CEMIP: variants seen among roughly 807,000 people sequenced by gnomAD.
The protein encoded by CEMIP is cell migration-inducing and hyaluronan-binding protein.
CEMIP carries 105 observed loss-of-function variants against 156.9 expected under a neutral mutation model. The ratio of observed to expected loss-of-function variants is 0.67; its 90% CI spans 0.57 to 0.79. CEMIP has a LOEUF of 0.79. CEMIP is among the 30% of genes least tolerant of loss of function. The pLI is 0.00. For synonymous variants in CEMIP, 676 were observed against 668.4 expected (o/e 1.01, Z -0.17); for missense variants, 1,457 against 1,769.4 (o/e 0.82, Z 3.17).
At chr15:80,810,646 T>C (rs537147883) in intron 1 of CEMIP, among the ~76,000 whole-genome samples, 2 of 152,330 alleles carry the variant, frequency 1.3e-5, no homozygotes, top group East Asian at 3.9e-4. Flanking sequence ...TGAGCCACCA[T>C]GCCCGGCCTA....
intron 1 of CEMIP, among the ~76,000 whole-genome samples, chr15:80,850,975 G>C (rs1897703047): frequency 6.6e-6 from 1 of 152,226 alleles, no homozygotes. Flanking sequence ...CTGCTGACTG[G>C]TACTGAGTAA....
At chr15:80,888,150 G>C (rs147701648) in intron 8 of CEMIP, among the ~76,000 whole-genome samples, 1 of 152,056 alleles carries the variant, frequency 6.6e-6, no homozygotes, top group East Asian at 1.9e-4. Context: ...ATCACTTGAG[G>C]TCAGGAGTTC....
Position 80,936,679 on chromosome 15 carries a change from C to A in CEMIP, c.3015C>A (p.Tyr1005Ter). ...TCCTTTTTGGGTTTTAAAAGATGTACATTCAAGCCTACAAGACCAGTAACC... is the reference window on the plus strand; with the variant it reads ...TCCTTTTTGGGTTTTAAAAGATGTAAATTCAAGCCTACAAGACCAGTAACC... ...AICSGCYAQM[Y>*]IQAYKTSNLR... The change falls in exon 24 of 30, where the codon TAC (tyrosine) becomes TAA (stop). Residue 1005 changes from tyrosine (Y) to a stop codon, truncating the protein, a stop_gained. Transcript: ENST00000394685. LOFTEE classifies it high-confidence loss of function. 1 of 1,613,408 alleles carries A rather than the reference C, an allele frequency of 6.2e-7. No individual in the cohort carries two copies. Among genetic ancestry groups the A allele is most frequent in the Non-Finnish European group, 8.5e-7 (1 of 1,179,544 alleles).
At chr15:80,858,213 G>C (rs932908744) in intron 1 of CEMIP, among the ~76,000 whole-genome samples, 3 of 152,126 alleles carry the variant, frequency 2.0e-5, no homozygotes, top group Non-Finnish European at 4.4e-5. Context: ...GCTGGTGGGT[G>C]GTTCTTGCAT....
intron 12 of CEMIP, chr15:80,897,156 C>T (rs1899259964): frequency 5.1e-6 from 2 of 390,342 alleles, no homozygotes; most frequent in South Asian, 1.9e-5. Flanking sequence ...AGGTGTTAAA[C>T]GTATCACATG....
At chr15:80,859,162 C>T (rs1320598416) in intron 1 of CEMIP, among the ~76,000 whole-genome samples, 4 of 152,174 alleles carry the variant, frequency 2.6e-5, no homozygotes, top group African/African-American at 7.2e-5. Flanking sequence ...TTGGCCAGGC[C>T]GGGTCACATA....
At chr15:80,919,157 G>A (rs73505489) in intron 14 of CEMIP, among the ~76,000 whole-genome samples, 2,535 of 152,286 alleles carry the variant, frequency 0.017, 30 homozygotes, top group East Asian at 0.059. Flanking sequence ...GAACCCAGGC[G>A]TTGCAAATGT....
chr15:80,798,620 G>GC (rs1226782512), intron 1 of CEMIP, among the ~76,000 whole-genome samples: 2 of 152,112 alleles, frequency 1.3e-5, no homozygotes, highest in African/African-American at 2.4e-5. Context: ...GAGGTTGAAA[G>GC]CCATCCTATG....
chr15:80,925,596 C>T (rs1295433495), intron 18 of CEMIP, 28 bp from the exon 19 acceptor site: 6 of 1,609,566 alleles, frequency 3.7e-6, no homozygotes, highest in African/African-American at 1.3e-5. Flanking sequence ...ACACCGCCAC[C>T]TGTGCCCTCC....
chr15:80,811,747 G>A (rs1378912582), intron 1 of CEMIP, among the ~76,000 whole-genome samples: 1 of 152,136 alleles, frequency 6.6e-6, no homozygotes, highest in Non-Finnish European at 1.5e-5. Flanking sequence ...CGTAGAGATG[G>A]GGTTTCACCA....
At chr15:80,786,713 G>C (rs558860748) in intron 1 of CEMIP, among the ~76,000 whole-genome samples, 1 of 152,074 alleles carries the variant, frequency 6.6e-6, no homozygotes, top group Admixed American at 6.5e-5. Context: ...CCAGTGAGAA[G>C]GGCTGTATAT....
chr15:80,818,176 TGTTA>T (rs1324217895), intron 1 of CEMIP, among the ~76,000 whole-genome samples: 1 of 152,178 alleles, frequency 6.6e-6, no homozygotes, highest in Non-Finnish European at 1.5e-5. Flanking sequence ...GTCCAATGTG[TGTTA>T]GCAAGGAGAT....
At chr15:80,829,965 G>GGTGTGTGTGTGTGTGTGTGTGT in intron 1 of CEMIP, among the ~76,000 whole-genome samples, 1 of 133,790 alleles carries the variant, frequency 7.5e-6, no homozygotes, top group African/African-American at 2.9e-5. Context: ...GGAGGTAGCG[G>GGTGTGTGTGTGTGTGTGTGTGT]GTGTGTGTGT....
chr15:80,925,206 C>G (rs565971139), intron 18 of CEMIP, among the ~76,000 whole-genome samples: 6 of 152,218 alleles, frequency 3.9e-5, no homozygotes, highest in Non-Finnish European at 7.3e-5. Flanking sequence ...ACACTGGTAA[C>G]ATGATAGTGC....
chr15:80,834,566 C>T (rs7172022), intron 1 of CEMIP, among the ~76,000 whole-genome samples: 79,193 of 152,096 alleles, frequency 0.52, 20,721 homozygotes, highest in East Asian at 0.6. Context: ...GGAGCCACAG[C>T]TGTCATAAAT....
chr15:80,919,135 C>T (rs1024732247), intron 14 of CEMIP, among the ~76,000 whole-genome samples: 1 of 152,168 alleles, frequency 6.6e-6, no homozygotes, highest in Non-Finnish European at 1.5e-5. Context: ...GTTTGCAGCC[C>T]TTTCTAGTTC....
rs1409022398 is a variant in CEMIP, at chr15:80,937,877, A to G, written c.3305A>G (p.Lys1102Arg). 1 of 1,614,116 alleles carries G rather than the reference A, an allele frequency of 6.2e-7. No individual in the cohort carries two copies. The highest frequency in any genetic ancestry group is 2.2e-5 in the East Asian group (1 of 44,896). ...TCGGATGTTCACAATCGCCTGCTGA[A>G]GCAAACGTCCAAGACGGGCGTCTTC... ...ILSDVHNRLL[K>R]QTSKTGVFVR... is the part of the protein sequence containing the mutation. The change falls in exon 25 of 30, where the codon AAG becomes AGG. Residue 1102 changes from lysine (K) to arginine (R), a missense_variant. Lys to Arg is a conservative substitution (Grantham distance 26, BLOSUM62 2). Coordinates refer to ENST00000394685, the MANE Select transcript of CEMIP (RefSeq NM_001293298.2).
intron 1 of CEMIP, among the ~76,000 whole-genome samples, chr15:80,780,300 G>C (rs1236496766): frequency 2.6e-5 from 4 of 152,252 alleles, no homozygotes. Context: ...CCTGGCAAAG[G>C]ACGTCGGCTC....
At chr15:80,866,326 A>C (rs1898124987) in intron 1 of CEMIP, among the ~76,000 whole-genome samples, 1 of 152,194 alleles carries the variant, frequency 6.6e-6, no homozygotes, top group Non-Finnish European at 1.5e-5. Context: ...ACGTTGGCTC[A>C]AGCCTGTAAT....
Sources: allele counts gnomAD v4.1 joint callset (sites outside exome capture counted in the v4.1 genomes callset), GRCh38; gene constraint gnomAD v4.1.1; transcripts MANE v1.5; gene names NCBI Gene and HGNC (gene_info 2026-07-23, HGNC 2026-07-21).